SCN2A: variants seen among roughly 807,000 people sequenced by gnomAD.
SCN2A encodes sodium channel protein type 2 subunit alpha.
SCN2A carries 20 observed loss-of-function variants against 188.7 expected under a neutral mutation model. That is an observed-to-expected ratio of 0.11 (90% confidence interval 0.07 to 0.15). The LOEUF (loss-of-function observed/expected upper bound fraction) is 0.15. Ranked by LOEUF, SCN2A falls within the 10% of genes least tolerant of loss-of-function variation. The pLI is 1.00. For synonymous variants in SCN2A, 804 were observed against 833.1 expected (o/e 0.97, Z 0.60); for missense variants, 1,278 against 2,445.0 (o/e 0.52, Z 10.07).
At chr2:165,342,097 A>C (rs1699349331) in intron 14 of SCN2A, among the ~76,000 whole-genome samples, 199 bp from the exon 15 acceptor site, 1 of 152,266 alleles carries the variant, frequency 6.6e-6, no homozygotes, top group Non-Finnish European at 1.5e-5. Flanking sequence ...TGTACTCTTT[A>C]TCATTTGATA....
intron 25 of SCN2A, among the ~76,000 whole-genome samples, chr2:165,384,734 A>G (rs1314757697): frequency 6.6e-6 from 1 of 152,178 alleles, no homozygotes; most frequent in Admixed American, 6.6e-5. Flanking sequence ...GATCAATGAA[A>G]GCACTCAGTT....
chr2:165,292,670 C>A (rs1156717877), intron 1 of SCN2A, among the ~76,000 whole-genome samples: 2 of 152,136 alleles, frequency 1.3e-5, no homozygotes, highest in Non-Finnish European at 2.9e-5. Flanking sequence ...ACAATTAGAA[C>A]TGTTCTAATT....
chr2:165,291,480 T>C (rs1696152995), intron 1 of SCN2A, among the ~76,000 whole-genome samples: 1 of 59,624 alleles, frequency 1.7e-5, no homozygotes, highest in African/African-American at 6.7e-5. Context: ...CTTTCTTTCT[T>C]TCTTTCTTTC....
intron 16 of SCN2A, among the ~76,000 whole-genome samples, chr2:165,345,870 T>G (rs1699558279): frequency 6.6e-6 from 1 of 152,216 alleles, no homozygotes; most frequent in African/African-American, 2.4e-5. Flanking sequence ...CCATATTTAG[T>G]GCTTCCTTCA....
In SCN2A at chr2:165,388,494, C is replaced by T. The variant is rs1011507765; in HGVS notation, c.4823-135C>T. 16 of 1,221,862 alleles carry T rather than the reference C, an allele frequency of 1.3e-5. No homozygotes were observed. In the East Asian group the frequency reaches 3.6e-4, roughly 27 times the overall value. The allele number at this position is 1,221,862 out of a possible 1,614,324, so 75.7% of individuals were successfully genotyped here. The stretch of plus-strand genomic sequence containing the variant: ...TACCAGTTTCATTTTGCTCAACAAA[C>T]ATTGCAGATTATTTGCATATATACA... On this transcript the variant is annotated intron_variant, in intron 26 of 26. Transcript: ENST00000375437.
rs527616673 is a variant in SCN2A at position 165,382,253 on chromosome 2, G to A, written c.4551+1056G>A. On this transcript the variant is annotated intron_variant, in intron 25 of 26. Coordinates refer to ENST00000375437, the MANE Select transcript of SCN2A (RefSeq NM_001040142.2). ...GTTACATGAGACAAGGTTACCATAC[G>A]AGTCTGAAGAAATTTGTTCTAATTA... Among the ~76,000 whole-genome samples the A allele has an allele frequency of 3.3e-5, 5 of 152,144 alleles. No individual in the cohort carries two copies. In the East Asian group the frequency reaches 7.7e-4, roughly 24 times the overall value.
chr2:165,386,188 G>C (rs1011161879), intron 25 of SCN2A, among the ~76,000 whole-genome samples: 2 of 152,050 alleles, frequency 1.3e-5, no homozygotes, highest in African/African-American at 4.8e-5. Flanking sequence ...ATTTGAGGCT[G>C]GGCATGGTGG....
At chr2:165,296,969 T>A in intron 2 of SCN2A, 48 bp from the exon 3 acceptor site, 1 of 953,922 alleles carries the variant, frequency 1.0e-6, no homozygotes, top group Non-Finnish European at 1.6e-6. Flanking sequence ...AAAATATTCT[T>A]AATATATATT....
At chr2:165,274,894 A>G (rs1409590847) in intron 1 of SCN2A, among the ~76,000 whole-genome samples, 2 of 152,174 alleles carry the variant, frequency 1.3e-5, no homozygotes, top group African/African-American at 4.8e-5. Context: ...TTCTCAAGCC[A>G]AGGACATAGA....
At chr2:165,280,977 G>GT (rs1441132619) in intron 1 of SCN2A, among the ~76,000 whole-genome samples, 1 of 152,202 alleles carries the variant, frequency 6.6e-6, no homozygotes, top group Admixed American at 6.5e-5. Context: ...ATCCCAGCCA[G>GT]TTGGGAGGCC....
rs1015832035 is a variant in SCN2A at position 165,367,217 on chromosome 2, A to G, written c.3521A>G (p.Asp1174Gly). The G allele has an allele frequency of 1.7e-5, 27 of 1,613,972 alleles. No homozygotes were observed. Among genetic ancestry groups the G allele is most frequent in the Non-Finnish European group, 2.2e-5 (26 of 1,180,010 alleles). ...TTCATTTTTTTCCCACATATTTTAG[A>G]CTGTGTACGGAAGTTCAAGTGTTGT... is the stretch of plus-strand genomic sequence containing the variant. Reference protein sequence around the residue: ...SLEPEACFTEDCVRKFKCCQI... With the variant: ...SLEPEACFTEGCVRKFKCCQI... The change falls in exon 19 of 27, where the codon GAC becomes GGC. Residue 1174 changes from aspartate (D) to glycine (G), a missense_variant and splice_region_variant. By Grantham distance (94) the Asp-to-Gly change is moderately conservative. This residue lies in a region of SCN2A where 228 missense variants were observed against 297.3 expected (regional missense o/e 0.77). Transcript: ENST00000375437.
chr2:165,354,299 G>A lies in SCN2A; in HGVS notation c.3027G>A (p.Arg1009=). The change falls in exon 17 of 27, where the codon AGG becomes AGA. Residue 1009 remains arginine, a synonymous_variant. Coordinates refer to ENST00000375437, the MANE Select transcript of SCN2A (RefSeq NM_001040142.2). Reference sequence around the variant, plus strand: ...ATAATCTCCAGATTGCTGTGGGAAGGATGCAGAAAGGAATCGATTTTGTTA... The same window carrying A: ...ATAATCTCCAGATTGCTGTGGGAAGAATGCAGAAAGGAATCGATTTTGTTA... The part of the protein sequence containing the change: ...EMNNLQIAVG[R]MQKGIDFVKR... 1.2e-6 allele frequency: 2 copies of A among 1,614,072 alleles called. No homozygotes were observed. The highest frequency in any genetic ancestry group is 8.5e-7 in the Non-Finnish European group (1 of 1,180,002).
chr2:165,378,531 A>G (rs1701434057), intron 23 of SCN2A, among the ~76,000 whole-genome samples: 1 of 151,684 alleles, frequency 6.6e-6, no homozygotes, highest in Admixed American at 6.6e-5. Flanking sequence ...TGACAACCTT[A>G]TTGTATAGGT....
intron 14 of SCN2A, among the ~76,000 whole-genome samples, chr2:165,338,343 T>C (rs1699117253): frequency 6.7e-6 from 1 of 149,042 alleles, no homozygotes; most frequent in Non-Finnish European, 1.5e-5. Context: ...CACTGCAAGC[T>C]CCGCCTCCCC....
rs115895326 is a variant in SCN2A, at chr2:165,367,873, C to T, written c.3675+502C>T. ...GGCACTGCAAGAGTGAACTCCATAC[C>T]GGCCCCACAGGAGCGTCTAGGGGAG... On this transcript the variant is annotated intron_variant, in intron 19 of 26. Coordinates refer to ENST00000375437, the MANE Select transcript of SCN2A (RefSeq NM_001040142.2). 9.6e-3 allele frequency among the ~76,000 whole-genome samples: 1,466 copies of T among 152,176 alleles called. 20 individuals carry two copies. The highest frequency in any genetic ancestry group is 0.033 in the African/African-American group (1,376 of 41,516).
chr2:165,281,191 G>A (rs1292399023), intron 1 of SCN2A, among the ~76,000 whole-genome samples: 2 of 152,090 alleles, frequency 1.3e-5, no homozygotes, highest in Non-Finnish European at 2.9e-5. Context: ...CACTAGTCTG[G>A]GCAACAGAGC....
At chr2:165,287,998 T>C (rs1255015574) in intron 1 of SCN2A, among the ~76,000 whole-genome samples, 1 of 152,218 alleles carries the variant, frequency 6.6e-6, no homozygotes, top group Non-Finnish European at 1.5e-5. Flanking sequence ...CATGTCTGAA[T>C]TATTCATATT....
chr2:165,315,423 T>G, intron 10 of SCN2A, 48 bp from the exon 11 acceptor site: 4 of 1,611,094 alleles, frequency 2.5e-6, no homozygotes, highest in Non-Finnish European at 3.4e-6. Flanking sequence ...ACATGATAAT[T>G]ACTTTTTAAG....
chr2:165,319,667 G>T (rs925500529), intron 11 of SCN2A, among the ~76,000 whole-genome samples: 2 of 152,130 alleles, frequency 1.3e-5, no homozygotes, highest in East Asian at 3.9e-4. Context: ...ATGGATGGTG[G>T]CAAGCAAAGA....
Sources: gnomAD v4.1 joint callset for allele counts (sites outside exome capture counted in the v4.1 genomes callset) on GRCh38, gnomAD v4.1.1 for gene constraint, gnomAD v4.1.1 regional missense constraint, MANE v1.5 for transcripts, NCBI Gene and HGNC (gene_info 2026-07-23, HGNC 2026-07-21) for gene names.